CABLES1: variants seen among roughly 807,000 people sequenced by gnomAD.
CABLES1 encodes Cdk5 and Abl enzyme substrate 1, also known as CDK5 and ABL1 enzyme substrate 1.
In CABLES1, 36 loss-of-function variants were observed where a neutral mutation model predicts 57.8. That is an observed-to-expected ratio of 0.62 (90% CI 0.48 to 0.82). The LOEUF (loss-of-function observed/expected upper bound fraction) is 0.82, where lower values mean the gene tolerates loss of function less well. Among genes scored for constraint, CABLES1 ranks in the 40% least tolerant of loss-of-function variants. The pLI is 0.00. For synonymous variants in CABLES1, 374 were observed against 363.0 expected (o/e 1.03, Z -0.35); for missense variants, 767 against 836.6 (o/e 0.92, Z 1.03).
chr18:23,207,636 G>T (rs562851949), intron 3 of CABLES1, among the ~76,000 whole-genome samples: 1 of 152,276 alleles, frequency 6.6e-6, no homozygotes, highest in South Asian at 2.1e-4. Context: ...TTCATCATCA[G>T]ATCCCCAGCA....
intron 8 of CABLES1, 63 bp downstream of exon 8, chr18:23,253,129 G>A (rs2048080526): frequency 1.1e-6 from 1 of 908,562 alleles, no homozygotes; most frequent in African/African-American, 1.6e-5. Flanking sequence ...CACACCGTAA[G>A]CTTGTCATCT....
intron 7 of CABLES1, among the ~76,000 whole-genome samples, chr18:23,242,077 A>C (rs912401582): frequency 2.0e-5 from 3 of 152,170 alleles, no homozygotes; most frequent in Non-Finnish European, 4.4e-5. Context: ...GGAGTTCAAG[A>C]GCAGCCTGAC....
intron 1 of CABLES1, among the ~76,000 whole-genome samples, chr18:23,152,360 A>G (rs944094151): frequency 2.6e-5 from 4 of 152,096 alleles, no homozygotes. Context: ...TTGAGGTAAT[A>G]TATCTGTAGG....
intron 1 of CABLES1, among the ~76,000 whole-genome samples, chr18:23,151,340 C>T (rs2046929340): frequency 6.6e-6 from 1 of 152,126 alleles, no homozygotes; most frequent in Non-Finnish European, 1.5e-5. Flanking sequence ...GTTTTAAGGT[C>T]CCGCTAACTG....
At chr18:23,149,018 T>C (rs1042650576) in intron 1 of CABLES1, among the ~76,000 whole-genome samples, 1 of 152,004 alleles carries the variant, frequency 6.6e-6, no homozygotes, top group Non-Finnish European at 1.5e-5. Flanking sequence ...GCTTCCTGAG[T>C]AGCTGGGACT....
At chr18:23,242,496 A>T (rs2047760498) in intron 7 of CABLES1, among the ~76,000 whole-genome samples, 1 of 152,174 alleles carries the variant, frequency 6.6e-6, no homozygotes, top group Admixed American at 6.5e-5. Flanking sequence ...GAGAGTGGTT[A>T]TGTATCATTA....
Position 23,135,691 on chromosome 18 carries a change from CGCCCGCCGCTTAGCGCTCGG to C in CABLES1, c.-69_-50del, listed in dbSNP as rs1276907206. ...ACCCAGCCCGGGTCGCCGCCGCTCG[CGCCCGCCGCTTAGCGCTCGG>C]GCGCCGCTCGCTTCTCCGGGCATCG... is the stretch of plus-strand genomic sequence containing the variant. On this transcript the variant is annotated 5_prime_UTR_variant, in exon 1 of 10. The change abolishes the stop of an existing upstream ORF in the 5' untranslated region. Transcript: ENST00000256925. 10 of 982,576 alleles carry C rather than the reference CGCCCGCCGCTTAGCGCTCGG, an allele frequency of 1.0e-5. No homozygotes were observed. Among genetic ancestry groups the C allele is most frequent in the Non-Finnish European group, 1.2e-5 (10 of 829,240 alleles). The allele number at this position is 982,576 out of a possible 1,614,324, so 60.9% of individuals were successfully genotyped here. A position where few individuals can be genotyped will look rare whatever the true frequency, so the allele number is the denominator to read the frequency against.
At chr18:23,251,852 G>A (rs770401699) in intron 7 of CABLES1, among the ~76,000 whole-genome samples, 1 of 152,172 alleles carries the variant, frequency 6.6e-6, no homozygotes, top group Admixed American at 6.5e-5. Context: ...TTGGGAGGCC[G>A]AGGCAGGCAG....
intron 7 of CABLES1, among the ~76,000 whole-genome samples, chr18:23,241,083 T>G (rs1262547400): frequency 1.3e-5 from 2 of 152,214 alleles, no homozygotes; most frequent in Non-Finnish European, 2.9e-5. Context: ...TATTCTCACT[T>G]CTGTCACCAT....
intron 4 of CABLES1, among the ~76,000 whole-genome samples, chr18:23,224,950 C>CT (rs1447696419): frequency 6.6e-6 from 1 of 152,182 alleles, no homozygotes; most frequent in African/African-American, 2.4e-5. Context: ...TCACTGCAGC[C>CT]TTGACCTCCC....
chr18:23,173,152 C>T (rs1365826766), intron 1 of CABLES1, among the ~76,000 whole-genome samples: 4 of 152,120 alleles, frequency 2.6e-5, no homozygotes, highest in South Asian at 2.1e-4. Flanking sequence ...GAGTGACACG[C>T]GGCTCTGATG....
At chr18:23,227,182 C>T (rs1021407555) in intron 4 of CABLES1, among the ~76,000 whole-genome samples, 9 of 152,140 alleles carry the variant, frequency 5.9e-5, no homozygotes, top group African/African-American at 2.2e-4. Flanking sequence ...CAGAGAACAG[C>T]GTCTTCTATT....
chr18:23,179,942 G>A (rs150836996), intron 1 of CABLES1, among the ~76,000 whole-genome samples: 1,672 of 152,154 alleles, frequency 0.011, 37 homozygotes, highest in African/African-American at 0.039. Flanking sequence ...TTTTTGAGAC[G>A]GAGTCTCGCT....
intron 4 of CABLES1, among the ~76,000 whole-genome samples, chr18:23,217,777 A>G (rs1354616407): frequency 1.3e-5 from 2 of 152,278 alleles, no homozygotes; most frequent in African/African-American, 4.8e-5. Context: ...ATGCCTTTCC[A>G]CAGTGGAAAA....
Position 23,256,272 on chromosome 18 carries a change from C to G in CABLES1, c.1762-955C>G, listed in dbSNP as rs575400798. Among the ~76,000 whole-genome samples the G allele has an allele frequency of 2.0e-5, 3 of 152,346 alleles. No individual in the cohort carries two copies. The South Asian group carries it at 6.2e-4, about 32-fold the overall frequency. Reference sequence around the variant, plus strand: ...CTTGGTGGTTCTCCTTCCTTTCCAGCTCCAGCAGCCCCTCTAGTTGGGTGG... The same window carrying G: ...CTTGGTGGTTCTCCTTCCTTTCCAGGTCCAGCAGCCCCTCTAGTTGGGTGG... On this transcript the variant is annotated intron_variant, in intron 9 of 9. Coordinates refer to ENST00000256925, the MANE Select transcript of CABLES1 (RefSeq NM_001100619.3).
intron 1 of CABLES1, among the ~76,000 whole-genome samples, chr18:23,188,341 TCATGGC>T: frequency 6.6e-6 from 1 of 152,236 alleles, no homozygotes; most frequent in Non-Finnish European, 1.5e-5. Context: ...GCTTTTGAAA[TCATGGC>T]CATCCAGGGA....
chr18:23,157,810 G>A (rs1319037569), intron 1 of CABLES1, among the ~76,000 whole-genome samples: 1 of 151,914 alleles, frequency 6.6e-6, no homozygotes, highest in Non-Finnish European at 1.5e-5. Flanking sequence ...GCAACAGAGC[G>A]AGACCCTGTC....
chr18:23,255,586 G>A (rs1238540931), intron 9 of CABLES1, among the ~76,000 whole-genome samples: 1 of 147,442 alleles, frequency 6.8e-6, no homozygotes, highest in Non-Finnish European at 1.5e-5. Context: ...TTGAGACAGG[G>A]TCTCACTCTG....
chr18:23,253,684 T>A (rs756747913), intron 8 of CABLES1, 45 bp from the exon 9 acceptor site: 4 of 1,543,334 alleles, frequency 2.6e-6, no homozygotes, highest in Non-Finnish European at 2.7e-6. Context: ...CCACTGAAAC[T>A]CTAAGTTTTC....
Sources: gnomAD v4.1 joint callset for allele counts (sites outside exome capture counted in the v4.1 genomes callset) on GRCh38, gnomAD v4.1.1 for gene constraint, MANE v1.5 for transcripts, NCBI Gene and HGNC (gene_info 2026-07-23, HGNC 2026-07-21) for gene names.